The following MTFR1 variants were observed in gnomAD, a reference collection of about 807,000 sequenced individuals.
MTFR1 encodes mitochondrial fission regulator 1.
Under a neutral mutation model 38.8 loss-of-function variants are expected in MTFR1, and 28 were observed. The observed-to-expected ratio is 0.72, with a 90% CI of 0.53 to 0.99. The LOEUF is 0.99. MTFR1 is among the 50% of genes least tolerant of loss of function. The pLI, the probability that MTFR1 is intolerant of heterozygous loss-of-function variation, is 0.00. For missense variants in MTFR1, 358 were observed against 395.5 expected, an observed-to-expected ratio of 0.91 and a Z score of 0.81; for synonymous variants, 145 against 137.0, an observed-to-expected ratio of 1.06 and a Z score of -0.41.
chr8:65,691,199 C>T (rs537687127), intron 3 of MTFR1, among the ~76,000 whole-genome samples: 2 of 152,108 alleles, frequency 1.3e-5, no homozygotes, highest in African/African-American at 2.4e-5. Context: ...AAATTACTTC[C>T]ACTACATGCA....
intron 3 of MTFR1, chr8:65,724,322 G>A (rs1806519767): frequency 6.2e-7 from 1 of 1,612,432 alleles, no homozygotes; most frequent in Non-Finnish European, 8.5e-7. Context: ...TCCGACATGG[G>A]TTACAAATAT....
chr8:65,763,881 T>C (rs2128916056), intron 3 of MTFR1, among the ~76,000 whole-genome samples: 1 of 152,312 alleles, frequency 6.6e-6, no homozygotes, highest in South Asian at 2.1e-4. Context: ...AAGATTAAGG[T>C]CCAATACGTA....
intron 3 of MTFR1, among the ~76,000 whole-genome samples, chr8:65,758,865 A>G (rs1173207632): frequency 1.3e-5 from 2 of 152,160 alleles, no homozygotes; most frequent in Non-Finnish European, 2.9e-5. Context: ...GTAGCCCCCC[A>G]GGGCTACCAG....
chr8:65,729,837 G>A (rs1806774141), intron 3 of MTFR1, among the ~76,000 whole-genome samples: 1 of 151,920 alleles, frequency 6.6e-6, no homozygotes, highest in Non-Finnish European at 1.5e-5. Context: ...CCAAAGTGCT[G>A]GAATCACAGG....
chr8:65,710,988 T>TAGAGAGAGAGAGAG (rs68005266), downstream of MTFR1, among the ~76,000 whole-genome samples: 3 of 147,910 alleles, frequency 2.0e-5, no homozygotes, highest in Admixed American at 2.0e-4. Context: ...CATATATATA[T>TAGAGAGAGAGAGAG]ATAGAGAGAG....
At chr8:65,680,488 T>C (rs1360254521) in intron 2 of MTFR1, among the ~76,000 whole-genome samples, 2 of 152,190 alleles carry the variant, frequency 1.3e-5, no homozygotes, top group Non-Finnish European at 2.9e-5. Context: ...TGACTCATAC[T>C]GTTATCCTTG....
chr8:65,733,740 TC>T (rs1234289457), intron 3 of MTFR1, among the ~76,000 whole-genome samples: 1 of 152,196 alleles, frequency 6.6e-6, no homozygotes, highest in South Asian at 2.1e-4. Flanking sequence ...TTTTTAAAAG[TC>T]ATGATATATA....
intron 1 of MTFR1, among the ~76,000 whole-genome samples, chr8:65,653,524 T>C (rs1809176334): frequency 6.6e-6 from 1 of 150,502 alleles, no homozygotes; most frequent in African/African-American, 2.4e-5. Context: ...AAAATAAAAA[T>C]AAGAAAGAAA....
At chr8:65,759,435 C>T (rs1449876933) in intron 3 of MTFR1, among the ~76,000 whole-genome samples, 1 of 152,050 alleles carries the variant, frequency 6.6e-6, no homozygotes, top group Non-Finnish European at 1.5e-5. Flanking sequence ...TGGCTTCAGC[C>T]AGATACTGCA....
intron 1 of MTFR1, among the ~76,000 whole-genome samples, chr8:65,645,693 C>T (rs13252996): frequency 0.61 from 35,194 of 58,106 alleles, 9,180 homozygotes; most frequent in Non-Finnish European, 0.67. Flanking sequence ...GCCCGGCTTT[C>T]CCCCCCCCCC....
intron 3 of MTFR1, among the ~76,000 whole-genome samples, chr8:65,691,838 A>C (rs1000839099): frequency 6.6e-6 from 1 of 152,144 alleles, no homozygotes; most frequent in African/African-American, 2.4e-5. Context: ...TTTTAATGCT[A>C]CTTTATTAAG....
intron 2 of MTFR1, among the ~76,000 whole-genome samples, chr8:65,678,680 C>T (rs1485206919): frequency 6.6e-6 from 1 of 152,108 alleles, no homozygotes; most frequent in East Asian, 1.9e-4. Flanking sequence ...ACGATTAGAT[C>T]ACCTGAGGTC....
rs568715859 is a variant in MTFR1, at chr8:65,729,059, C to T, written c.*48+9578C>T. ...TTCAATATTATAACAAAGACAAGGA[C>T]TTCAATAACTTAACTTTTTAAGGTG... On this transcript the variant is annotated intron_variant, in intron 3 of 3. Coordinates refer to the MTFR1 transcript ENST00000521247. Among the ~76,000 whole-genome samples, 14 of 152,116 alleles carry T rather than the reference C, an allele frequency of 9.2e-5. No homozygotes were observed. In the South Asian group the frequency reaches 2.9e-3, roughly 32 times the overall value.
At chr8:65,671,999 A>G (rs1314688430) in intron 2 of MTFR1, among the ~76,000 whole-genome samples, 1 of 152,202 alleles carries the variant, frequency 6.6e-6, no homozygotes. Context: ...ATTGAGGCCA[A>G]AGTGCAGAAT....
At chr8:65,716,714 C>T (rs1048372899) in intron 2 of MTFR1, among the ~76,000 whole-genome samples, 1 of 152,230 alleles carries the variant, frequency 6.6e-6, no homozygotes, top group Non-Finnish European at 1.5e-5. Context: ...AAAATAGTTA[C>T]TGTGAGCTTG....
At chr8:65,721,117 CTT>C (rs1806359823) in intron 3 of MTFR1, among the ~76,000 whole-genome samples, 1 of 151,752 alleles carries the variant, frequency 6.6e-6, no homozygotes, top group Non-Finnish European at 1.5e-5. Flanking sequence ...CAGCCTCTCT[CTT>C]GGAGGGCAGG....
At chr8:65,768,976 G>A (rs911776185) in intron 3 of MTFR1, among the ~76,000 whole-genome samples, 6 of 152,132 alleles carry the variant, frequency 3.9e-5, no homozygotes, top group African/African-American at 1.4e-4. Flanking sequence ...GGCCAGGCGA[G>A]GTGGCTCACA....
chr8:65,741,364 TATA>T (rs1214956532), intron 3 of MTFR1, among the ~76,000 whole-genome samples: 1 of 152,178 alleles, frequency 6.6e-6, no homozygotes, highest in Non-Finnish European at 1.5e-5. Context: ...ATTGAAAATT[TATA>T]ATAATAATAT....
chr8:65,763,562 T>C (rs1808615817), intron 3 of MTFR1, among the ~76,000 whole-genome samples: 1 of 118,752 alleles, frequency 8.4e-6, no homozygotes, highest in Non-Finnish European at 1.6e-5. Flanking sequence ...TGAAACTCCG[T>C]CTCAAAAAAA....
Sources: allele counts gnomAD v4.1 joint callset (sites outside exome capture counted in the v4.1 genomes callset), GRCh38; gene constraint gnomAD v4.1.1; transcripts MANE v1.5; gene names NCBI Gene and HGNC (gene_info 2026-07-23, HGNC 2026-07-21).